Variants in PDZRN4 observed in about 807,000 individuals in gnomAD.
The protein encoded by PDZRN4 is PDZ domain containing ring finger 4, also known as PDZ domain-containing RING finger protein 4.
A neutral mutation model predicts 99.0 loss-of-function variants in PDZRN4; 70 were observed. The ratio of observed to expected loss-of-function variants is 0.71; its 90% CI spans 0.58 to 0.86. The LOEUF (loss-of-function observed/expected upper bound fraction) is 0.86. Among genes scored for constraint, PDZRN4 ranks in the 40% least tolerant of loss-of-function variants. The pLI is 0.00. For missense variants in PDZRN4, 1,474 were observed against 1,331.2 expected, an observed-to-expected ratio of 1.11 and a Z score of -1.67; for synonymous variants, 551 against 501.6, an observed-to-expected ratio of 1.10 and a Z score of -1.32.
chr12:41,529,612 CATT>C (rs1472126749), intron 5 of PDZRN4, among the ~76,000 whole-genome samples: 1 of 152,146 alleles, frequency 6.6e-6, no homozygotes, highest in African/African-American at 2.4e-5. Context: ...ATCTATTATT[CATT>C]ATAAGTCACA....
intron 9 of PDZRN4, among the ~76,000 whole-genome samples, chr12:41,571,363 C>G (rs1939471350): frequency 1.0e-5 from 1 of 97,200 alleles, no homozygotes; most frequent in African/African-American, 4.9e-5. Context: ...CTCTCTCTCT[C>G]TCTCTCTCTC....
chr12:41,570,502 A>G (rs1415979607), intron 9 of PDZRN4, among the ~76,000 whole-genome samples: 1 of 152,192 alleles, frequency 6.6e-6, no homozygotes, highest in African/African-American at 2.4e-5. Context: ...TTTACACAGT[A>G]TGTTTGGTCT....
At chr12:41,241,043 G>C (rs965352570) in intron 3 of PDZRN4, among the ~76,000 whole-genome samples, 5 of 151,840 alleles carry the variant, frequency 3.3e-5, no homozygotes, top group African/African-American at 1.2e-4. Flanking sequence ...CCAACCCCCA[G>C]CTCTTTTAGC....
At chr12:41,546,049 A>C (rs758698948) in intron 5 of PDZRN4, among the ~76,000 whole-genome samples, 1 of 152,200 alleles carries the variant, frequency 6.6e-6, no homozygotes, top group Non-Finnish European at 1.5e-5. Flanking sequence ...TTAGCATGTG[A>C]AACAGCAACT....
chr12:41,544,774 CATCTGGCAATTAAGCTG>C (rs1244649507), intron 5 of PDZRN4, among the ~76,000 whole-genome samples: 7 of 152,200 alleles, frequency 4.6e-5, no homozygotes, highest in Non-Finnish European at 5.9e-5. Flanking sequence ...ACAGTGGTAC[CATCTGGCAATTAAGCTG>C]AGAGCTGAAA....
chr12:41,528,843 C>T (rs1197655921), intron 5 of PDZRN4, among the ~76,000 whole-genome samples: 1 of 152,110 alleles, frequency 6.6e-6, no homozygotes, highest in Non-Finnish European at 1.5e-5. Flanking sequence ...TCTGAAGGTC[C>T]TGCCTTTCAT....
At chr12:41,399,197 A>G (rs1037113815) in intron 3 of PDZRN4, among the ~76,000 whole-genome samples, 1 of 152,170 alleles carries the variant, frequency 6.6e-6, no homozygotes, top group Non-Finnish European at 1.5e-5. Flanking sequence ...CAAATAATAC[A>G]TATTGATTGC....
At chr12:41,209,571 C>T (rs2120690285) in intron 3 of PDZRN4, among the ~76,000 whole-genome samples, 1 of 148,200 alleles carries the variant, frequency 6.7e-6, no homozygotes, top group South Asian at 2.2e-4. Flanking sequence ...TGTTCAATTC[C>T]CACCTATGAG....
intron 3 of PDZRN4, among the ~76,000 whole-genome samples, chr12:41,268,267 C>T: frequency 6.6e-6 from 1 of 152,140 alleles, no homozygotes; most frequent in Admixed American, 6.5e-5. Flanking sequence ...TAGCAAATTG[C>T]CAGTAATCAA....
intron 3 of PDZRN4, among the ~76,000 whole-genome samples, chr12:41,195,938 T>C (rs1950768743): frequency 6.6e-6 from 1 of 152,140 alleles, no homozygotes. Context: ...CATATATTGT[T>C]ACACCCACAC....
At chr12:41,347,460 C>T (rs1951861551) in intron 3 of PDZRN4, among the ~76,000 whole-genome samples, 1 of 152,114 alleles carries the variant, frequency 6.6e-6, no homozygotes. Context: ...GAAATGTCTA[C>T]TCAAATCCTT....
At chr12:41,336,774 T>A (rs1030536421) in intron 3 of PDZRN4, among the ~76,000 whole-genome samples, 1 of 151,972 alleles carries the variant, frequency 6.6e-6, no homozygotes, top group Non-Finnish European at 1.5e-5. Context: ...GAAGATGGAA[T>A]CATGGGGGTC....
chr12:41,382,233 C>T (rs1280101931), intron 3 of PDZRN4, among the ~76,000 whole-genome samples: 3 of 152,154 alleles, frequency 2.0e-5, no homozygotes, highest in Non-Finnish European at 2.9e-5. Flanking sequence ...TGGCTTCTTG[C>T]TACATTTTCA....
chr12:41,349,608 G>T (rs900326271), intron 3 of PDZRN4, among the ~76,000 whole-genome samples: 1 of 151,862 alleles, frequency 6.6e-6, no homozygotes, highest in African/African-American at 2.4e-5. Flanking sequence ...TAATCCATGT[G>T]TCCTTCCTTA....
chr12:41,376,388 G>T (rs1383912723), intron 3 of PDZRN4, among the ~76,000 whole-genome samples: 1 of 151,964 alleles, frequency 6.6e-6, no homozygotes, highest in African/African-American at 2.4e-5. Context: ...ATAAACATTT[G>T]TTATCTCTTG....
At position 41,426,813 on chromosome 12, in the gene PDZRN4, A is replaced by C. The variant is rs138950650; in HGVS notation, c.844-79643A>C. Among the ~76,000 whole-genome samples the C allele has an allele frequency of 1.1e-4, 16 of 152,332 alleles. No individual in the cohort carries two copies. In the East Asian group the frequency reaches 3.1e-3, roughly 29 times the overall value. ...GAATTTGTCTAGTTTAATACCTTAC[A>C]TGTAGACTTAGAAGGAAGGAATGGA... On this transcript the variant is annotated intron_variant, in intron 3 of 9. Coordinates refer to ENST00000402685, the MANE Select transcript of PDZRN4 (RefSeq NM_001164595.2).
At chr12:41,296,635 T>C (rs1951496241) in intron 3 of PDZRN4, among the ~76,000 whole-genome samples, 1 of 152,126 alleles carries the variant, frequency 6.6e-6, no homozygotes, top group South Asian at 2.1e-4. Context: ...ATGATTTGGC[T>C]CCTCTTCCTT....
intron 3 of PDZRN4, among the ~76,000 whole-genome samples, chr12:41,242,816 G>C (rs1290886334): frequency 6.6e-6 from 1 of 152,158 alleles, no homozygotes; most frequent in African/African-American, 2.4e-5. Flanking sequence ...ACTTCCTGTA[G>C]GTCTCCACAG....
intron 3 of PDZRN4, among the ~76,000 whole-genome samples, chr12:41,467,715 C>A (rs1952941985): frequency 6.6e-6 from 1 of 152,154 alleles, no homozygotes; most frequent in East Asian, 1.9e-4. Flanking sequence ...AGCTTCCCTG[C>A]TAATTTTGAT....
Sources: gnomAD v4.1 joint callset for allele counts (sites outside exome capture counted in the v4.1 genomes callset) on GRCh38, gnomAD v4.1.1 for gene constraint, MANE v1.5 for transcripts, NCBI Gene and HGNC (gene_info 2026-07-23, HGNC 2026-07-21) for gene names.